Variants in PAX7 observed in about 807,000 individuals in gnomAD.
PAX7 encodes paired box protein Pax-7.
A neutral mutation model predicts 50.7 loss-of-function variants in PAX7; 18 were observed. That is an observed-to-expected ratio of 0.36 (90% CI 0.25 to 0.53). PAX7 has a LOEUF of 0.53. Ranked by LOEUF, PAX7 falls within the 20% of genes least tolerant of loss-of-function variation. The pLI is 0.93. For synonymous variants in PAX7, 310 were observed against 290.4 expected (o/e 1.07, Z -0.69); for missense variants, 644 against 702.9 (o/e 0.92, Z 0.95).
chr1:18,640,195 G>A (rs1311463733), intron 4 of PAX7, among the ~76,000 whole-genome samples: 1 of 152,208 alleles, frequency 6.6e-6, no homozygotes, highest in East Asian at 1.9e-4. Context: ...GGATCGGAAA[G>A]GAGGGGAGAG....
In PAX7 at chr1:18,735,589, G is replaced by T; in HGVS notation, c.1156-43G>T. Reference sequence around the variant, plus strand: ...GTGCCCAGTGTGCTCGTGTCTCTGGGGTCTGTCCGGTGAGCCTGGCACTAA... The same window carrying T: ...GTGCCCAGTGTGCTCGTGTCTCTGGTGTCTGTCCGGTGAGCCTGGCACTAA... On this transcript the variant is annotated intron_variant, in intron 7 of 8. Transcript: ENST00000420770. The surrounding 1 kb of genome is among the most constrained non-coding windows in gnomAD (Gnocchi z 4.0). The T allele has an allele frequency of 6.3e-7, 1 of 1,577,836 alleles. No homozygotes were observed.
Position 18,631,405 on chromosome 1 carries a change from C to A in PAX7, c.-199C>A. ...CCCCCAACCTCCACCCCACCTCACC[C>A]CCCTCCCCAGCTTCTGGACGCGTTT... is the stretch of plus-strand genomic sequence containing the variant. On this transcript the variant is annotated 5_prime_UTR_variant, in exon 1 of 9. Transcript: ENST00000420770. The A allele has an allele frequency of 1.7e-6, 1 of 589,374 alleles. No individual in the cohort carries two copies. Among genetic ancestry groups the A allele is most frequent in the Non-Finnish European group, 3.1e-6 (1 of 327,328 alleles). 36.5% of individuals were successfully genotyped at this position (589,374 alleles called of 1,614,324 possible).
At chr1:18,744,738 A>ATGGT in intron 8 of PAX7, 76 bp from the exon 9 acceptor site, 1 of 753,332 alleles carries the variant, frequency 1.3e-6, no homozygotes, top group East Asian at 2.7e-5. Context: ...GGATGGATGG[A>ATGGT]TGGGTGTAGA....
chr1:18,667,658 G>A (rs1391168698), intron 4 of PAX7, among the ~76,000 whole-genome samples: 1 of 152,098 alleles, frequency 6.6e-6, no homozygotes, highest in Non-Finnish European at 1.5e-5. Context: ...GGTTTAAGGG[G>A]GTGGAAATTT....
chr1:18,732,132 T>A (rs2089654015), intron 7 of PAX7, among the ~76,000 whole-genome samples: 1 of 152,218 alleles, frequency 6.6e-6, no homozygotes, highest in Non-Finnish European at 1.5e-5. Flanking sequence ...TATCACATCT[T>A]TGGGGAGGTC....
chr1:18,649,081 G>A (rs1195487516), intron 4 of PAX7, among the ~76,000 whole-genome samples: 1 of 152,178 alleles, frequency 6.6e-6, no homozygotes, highest in East Asian at 1.9e-4. Context: ...AAAGGGTGGA[G>A]TCAGACTCAA....
intron 7 of PAX7, among the ~76,000 whole-genome samples, chr1:18,715,288 G>T (rs1279182899): frequency 6.6e-6 from 1 of 152,142 alleles, no homozygotes; most frequent in Non-Finnish European, 1.5e-5. Flanking sequence ...TGCTTTCCCT[G>T]TGCAGTTACC....
intron 4 of PAX7, among the ~76,000 whole-genome samples, chr1:18,669,799 T>C (rs1418043922): frequency 6.6e-6 from 1 of 152,156 alleles, no homozygotes; most frequent in Non-Finnish European, 1.5e-5. Flanking sequence ...GGTTGCAACA[T>C]AGTTGTAATG....
chr1:18,638,559 G>T (rs776150651), intron 4 of PAX7, among the ~76,000 whole-genome samples: 1 of 133,268 alleles, frequency 7.5e-6, no homozygotes, highest in African/African-American at 2.7e-5. Flanking sequence ...CAGTGGGTGT[G>T]CTGGGTGCGC....
intron 4 of PAX7, among the ~76,000 whole-genome samples, chr1:18,651,430 TC>T (rs1192789679): frequency 4.6e-5 from 7 of 152,200 alleles, no homozygotes; most frequent in African/African-American, 1.7e-4. Context: ...AAATTAACAA[TC>T]CTTCTCTATC....
rs974060462 is a variant in PAX7, at chr1:18,729,330, C to G, written c.1156-6302C>G. 2.0e-5 allele frequency among the ~76,000 whole-genome samples: 3 copies of G among 152,290 alleles called. No individual in the cohort carries two copies. The East Asian group carries it at 5.8e-4, about 29-fold the overall frequency. ...GATCCTTTTGGAACCACACCCAAGA[C>G]AGGGGGCAGGAGGGAGTGGCAGTAA... On this transcript the variant is annotated intron_variant, in intron 7 of 8. Coordinates refer to ENST00000420770, the MANE Select transcript of PAX7 (RefSeq NM_001135254.2).
chr1:18,685,302 A>G (rs1160370842), intron 4 of PAX7, among the ~76,000 whole-genome samples: 1 of 152,170 alleles, frequency 6.6e-6, no homozygotes, highest in Non-Finnish European at 1.5e-5. Context: ...TCGGGGGGTG[A>G]CTGCTGCAGT....
intron 4 of PAX7, among the ~76,000 whole-genome samples, chr1:18,645,183 G>T (rs1036750726): frequency 7.9e-5 from 12 of 152,182 alleles, no homozygotes; most frequent in Non-Finnish European, 1.3e-4. Context: ...GTGTGTTTGC[G>T]GGGCTGGGGC....
intron 7 of PAX7, among the ~76,000 whole-genome samples, chr1:18,714,294 T>C (rs1053882432): frequency 2.0e-5 from 3 of 152,202 alleles, no homozygotes; most frequent in Non-Finnish European, 4.4e-5. Context: ...ACAGGCAAGT[T>C]ATATGAGCGC....
chr1:18,718,728 C>T (rs1262975477), intron 7 of PAX7, among the ~76,000 whole-genome samples: 6 of 151,868 alleles, frequency 4.0e-5, no homozygotes, highest in Admixed American at 1.3e-4. Flanking sequence ...CTGCAACCTC[C>T]GCCTCCCAGG....
At chr1:18,730,375 G>A (rs371163552) in intron 7 of PAX7, among the ~76,000 whole-genome samples, 3 of 151,724 alleles carry the variant, frequency 2.0e-5, no homozygotes, top group South Asian at 2.1e-4. Flanking sequence ...GAGCCTCAGG[G>A]TCCCTCTCAG....
Position 18,686,450 on chromosome 1 carries a change from C to T in PAX7, c.587-5304C>T, listed in dbSNP as rs116059298. Among the ~76,000 whole-genome samples, 1,405 of 152,318 alleles carry T rather than the reference C, an allele frequency of 9.2e-3. 15 individuals carry two copies. The highest frequency in any genetic ancestry group is 0.041 in the Middle Eastern group (12 of 294). ...TGGCCATGAGGCTGCTCCCCTACTG[C>T]GTACCCCGAATCTGGCTGCCGTTTA... On this transcript the variant is annotated intron_variant, in intron 4 of 8. Transcript: ENST00000420770.
At chr1:18,742,543 T>TC (rs1188535978) in intron 8 of PAX7, among the ~76,000 whole-genome samples, 1 of 151,546 alleles carries the variant, frequency 6.6e-6, no homozygotes, top group African/African-American at 2.4e-5. Context: ...GGCTACAGAG[T>TC]CCCCCCAAGG....
intron 4 of PAX7, among the ~76,000 whole-genome samples, chr1:18,687,902 G>T (rs1317332350): frequency 6.6e-6 from 1 of 152,152 alleles, no homozygotes; most frequent in Non-Finnish European, 1.5e-5. Context: ...AGGAGTGGGA[G>T]GGACAAGGAG....
Sources: gnomAD v4.1 joint callset for allele counts (sites outside exome capture counted in the v4.1 genomes callset) on GRCh38, gnomAD v4.1.1 for gene constraint, Gnocchi (gnomAD v3.1) non-coding constraint, MANE v1.5 for transcripts, NCBI Gene and HGNC (gene_info 2026-07-23, HGNC 2026-07-21) for gene names.